Variants in GABRG3 observed in about 807,000 individuals in gnomAD.
GABRG3 encodes the protein gamma-aminobutyric acid receptor subunit gamma-3.
In GABRG3, 25 loss-of-function variants were observed where a neutral mutation model predicts 48.8. The ratio of observed to expected loss-of-function variants is 0.51; its 90% CI spans 0.37 to 0.72. The LOEUF (loss-of-function observed/expected upper bound fraction) is 0.72, where lower values mean the gene tolerates loss of function less well. Among genes scored for constraint, GABRG3 ranks in the 30% least tolerant of loss-of-function variants. The pLI is 0.00. For synonymous variants in GABRG3, 227 were observed against 217.6 expected (o/e 1.04, Z -0.38); for missense variants, 394 against 577.9 (o/e 0.68, Z 3.26).
chr15:27,178,104 G>A (rs1005778664), intron 3 of GABRG3, among the ~76,000 whole-genome samples: 1 of 152,160 alleles, frequency 6.6e-6, no homozygotes, highest in African/African-American at 2.4e-5. Context: ...ATTGCACAGG[G>A]ATGTGCACAG....
At chr15:27,377,506 G>A (rs907798877) in intron 5 of GABRG3, among the ~76,000 whole-genome samples, 14 of 152,162 alleles carry the variant, frequency 9.2e-5, no homozygotes, top group Non-Finnish European at 1.9e-4. Flanking sequence ...CCTGGCAGAC[G>A]GTAAAAGGCA....
intron 3 of GABRG3, among the ~76,000 whole-genome samples, chr15:27,257,456 C>T (rs1890655195): frequency 6.6e-6 from 1 of 152,024 alleles, no homozygotes; most frequent in African/African-American, 2.4e-5. Flanking sequence ...ACTGCCCAGA[C>T]CAATGTCATG....
At chr15:27,296,864 A>ATTTTTTTTTTTTTT (rs1892005097) in intron 3 of GABRG3, among the ~76,000 whole-genome samples, 1 of 129,774 alleles carries the variant, frequency 7.7e-6, no homozygotes, top group African/African-American at 2.9e-5. Flanking sequence ...TTTTTTTTTA[A>ATTTTTTTTTTTTTT]TTTCATTATA....
intron 2 of GABRG3, among the ~76,000 whole-genome samples, chr15:27,011,883 C>T (rs1027951931): frequency 1.3e-5 from 2 of 151,852 alleles, no homozygotes; most frequent in African/African-American, 4.8e-5. Flanking sequence ...TTCTAATTCA[C>T]CTCTGGAAAA....
At chr15:27,029,724 G>A (rs1264743135) in intron 3 of GABRG3, among the ~76,000 whole-genome samples, 2 of 152,168 alleles carry the variant, frequency 1.3e-5, no homozygotes, top group African/African-American at 2.4e-5. Context: ...GTCTGTGGAT[G>A]AGCTGAGTGC....
intron 3 of GABRG3, among the ~76,000 whole-genome samples, chr15:27,042,453 G>A (rs553405754): frequency 1.1e-4 from 17 of 152,174 alleles, no homozygotes; most frequent in Non-Finnish European, 1.9e-4. Flanking sequence ...CCTCCAGAAC[G>A]GGCCAAGGGG....
chr15:27,055,017 T>TG lies in GABRG3; in HGVS notation c.270+28196_270+28197insG, dbSNP rs1566922032. Among the ~76,000 whole-genome samples, 10 of 151,854 alleles carry TG rather than the reference T, an allele frequency of 6.6e-5. No individual in the cohort carries two copies. In the East Asian group the frequency reaches 7.8e-4, roughly 12 times the overall value. ...AAGGGCCAAGACCTGTTTTTTTTTT[T>TG]TTTTTTTTTTAAATGACTTGTCAGC... On this transcript the variant is annotated intron_variant, in intron 3 of 9. Transcript: ENST00000615808.
intron 5 of GABRG3, among the ~76,000 whole-genome samples, chr15:27,461,892 G>A (rs774555307): frequency 6.6e-6 from 1 of 152,132 alleles, no homozygotes; most frequent in Non-Finnish European, 1.5e-5. Context: ...TGGATGTTTC[G>A]ATACATGTGT....
intron 2 of GABRG3, among the ~76,000 whole-genome samples, chr15:27,025,283 C>T (rs1346815861): frequency 6.6e-6 from 1 of 152,190 alleles, no homozygotes; most frequent in Non-Finnish European, 1.5e-5. Context: ...AGAAATCTCT[C>T]TCACTAAATG....
At chr15:27,512,962 A>C (rs1027054266) in intron 6 of GABRG3, among the ~76,000 whole-genome samples, 1 of 152,194 alleles carries the variant, frequency 6.6e-6, no homozygotes, top group African/African-American at 2.4e-5. Flanking sequence ...GATGGAGGAC[A>C]TGTATATTAA....
At chr15:27,308,797 C>T (rs1273911298) in intron 3 of GABRG3, among the ~76,000 whole-genome samples, 3 of 149,422 alleles carry the variant, frequency 2.0e-5, no homozygotes, top group Admixed American at 6.7e-5. Flanking sequence ...TGTAAACATA[C>T]GTTTATATAA....
chr15:27,485,084 A>G (rs976299473), intron 6 of GABRG3, among the ~76,000 whole-genome samples: 2 of 152,178 alleles, frequency 1.3e-5, no homozygotes, highest in Non-Finnish European at 2.9e-5. Context: ...AAGGAAGGAC[A>G]TGTATAGGGG....
intron 3 of GABRG3, among the ~76,000 whole-genome samples, chr15:27,224,435 A>G (rs536039193): frequency 2.0e-5 from 3 of 152,230 alleles, no homozygotes; most frequent in Admixed American, 2.0e-4. Context: ...CCTCACAGCT[A>G]CCCAGGAAGC....
At chr15:27,391,098 A>G (rs1197380550) in intron 5 of GABRG3, among the ~76,000 whole-genome samples, 2 of 152,074 alleles carry the variant, frequency 1.3e-5, no homozygotes, top group Non-Finnish European at 2.9e-5. Flanking sequence ...AAAAAAAAAA[A>G]AGACACAATC....
intron 5 of GABRG3, among the ~76,000 whole-genome samples, chr15:27,356,360 C>G (rs1894840069): frequency 6.6e-6 from 1 of 152,172 alleles, no homozygotes; most frequent in South Asian, 2.1e-4. Context: ...CAGGGATAAG[C>G]CTACATCTCC....
intron 3 of GABRG3, among the ~76,000 whole-genome samples, chr15:27,187,349 G>A (rs1046862824): frequency 2.0e-5 from 3 of 151,930 alleles, no homozygotes; most frequent in African/African-American, 7.2e-5. Flanking sequence ...TTTAAAGTTG[G>A]GTAATGTGAT....
intron 3 of GABRG3, among the ~76,000 whole-genome samples, chr15:27,095,370 T>C (rs536651044): frequency 6.6e-6 from 1 of 152,158 alleles, no homozygotes; most frequent in East Asian, 1.9e-4. Context: ...TAAAAGAGAG[T>C]TCTGGAAATC....
chr15:27,304,402 AT>A (rs971942786), intron 3 of GABRG3, among the ~76,000 whole-genome samples: 2 of 152,002 alleles, frequency 1.3e-5, no homozygotes, highest in African/African-American at 4.8e-5. Flanking sequence ...AGGTATATTT[AT>A]TTTTTTAAAA....
intron 5 of GABRG3, among the ~76,000 whole-genome samples, chr15:27,438,446 A>G (rs1184196538): frequency 3.3e-5 from 5 of 152,234 alleles, no homozygotes; most frequent in Admixed American, 6.5e-5. Context: ...ATGGTAATAC[A>G]TAGGCTGGCA....
Sources: gnomAD v4.1 joint callset for allele counts (sites outside exome capture counted in the v4.1 genomes callset) on GRCh38, gnomAD v4.1.1 for gene constraint, MANE v1.5 for transcripts, NCBI Gene and HGNC (gene_info 2026-07-23, HGNC 2026-07-21) for gene names.